The following IRAK1BP1 variants were observed in gnomAD, a reference collection of about 807,000 sequenced individuals.
IRAK1BP1 encodes the protein interleukin 1 receptor associated kinase 1 binding protein 1.
Under a neutral mutation model 28.0 loss-of-function variants are expected in IRAK1BP1, and 24 were observed. The ratio of observed to expected loss-of-function variants is 0.86; its 90% CI spans 0.62 to 1.20. The LOEUF (loss-of-function observed/expected upper bound fraction) is 1.20. IRAK1BP1 is among the 50% of genes most tolerant of loss of function. The probability of loss-of-function intolerance (pLI) is 0.00; values close to 1 mark genes in which losing one functional copy is unlikely to be tolerated. For missense variants in IRAK1BP1, 336 were observed against 316.7 expected (o/e 1.06, Z -0.46); for synonymous variants, 131 against 116.3 (o/e 1.13, Z -0.81).
At chr6:78,905,908 A>G (rs147280488), downstream of IRAK1BP1, among the ~76,000 whole-genome samples, 89 of 152,274 alleles carry the variant, frequency 5.8e-4, no homozygotes, top group East Asian at 0.017. Context: ...ACCTAGAAAT[A>G]TTATCCATAC....
chr6:78,949,981 G>T (rs1489744468), downstream of IRAK1BP1, among the ~76,000 whole-genome samples: 1 of 152,096 alleles, frequency 6.6e-6, no homozygotes, highest in Non-Finnish European at 1.5e-5. Flanking sequence ...GAGCCACCAT[G>T]CTTGGCCTGG....
chr6:78,897,547 A>G (rs1771934790), intron 2 of IRAK1BP1, among the ~76,000 whole-genome samples: 1 of 152,262 alleles, frequency 6.6e-6, no homozygotes, highest in Non-Finnish European at 1.5e-5. Context: ...TAGCCAAGTA[A>G]TAAGGTTTAA....
chr6:78,886,921 A>T (rs1771450757), intron 2 of IRAK1BP1, among the ~76,000 whole-genome samples: 1 of 152,204 alleles, frequency 6.6e-6, no homozygotes, highest in Non-Finnish European at 1.5e-5. Context: ...TTGTATAGGG[A>T]TTCCAGGTAG....
At position 78,898,786 on chromosome 6, in the gene IRAK1BP1, A is replaced by T. The variant is rs557542681; in HGVS notation, c.*452A>T. On this transcript the variant is annotated 3_prime_UTR_variant, in exon 4 of 4. Coordinates refer to ENST00000369940, the MANE Select transcript of IRAK1BP1 (RefSeq NM_001010844.4). The stretch of plus-strand genomic sequence containing the variant: ...AAATTGTAAGACAAAATTTTTATGG[A>T]AAAGAATTCCTATATCCCATCAAAC... 3 of 152,256 alleles carry T rather than the reference A, an allele frequency of 2.0e-5. No individual in the cohort carries two copies. The East Asian group carries it at 5.8e-4, about 29-fold the overall frequency. The allele number at this position is 152,256 out of a possible 1,614,324, so 9.4% of individuals were successfully genotyped here.
Position 78,923,246 on chromosome 6 carries a change from A to G in IRAK1BP1, c.*67+20136A>G, listed in dbSNP as rs576734463. On this transcript the variant is annotated intron_variant and NMD_transcript_variant, in intron 4 of 4. Transcript: ENST00000606868. Reference sequence around the variant, plus strand: ...GGAGGAAGATCTACCAAGCACATGGAAAAAAAAAAGGGCAGGGGTTTCAAT... The same window carrying G: ...GGAGGAAGATCTACCAAGCACATGGGAAAAAAAAAGGGCAGGGGTTTCAAT... Among the ~76,000 whole-genome samples, 118 of 124,158 alleles carry G rather than the reference A, an allele frequency of 9.5e-4. 2 individuals carry two copies. The highest frequency in any genetic ancestry group is 7.1e-3 in the Middle Eastern group (2 of 280). The allele number at this position is 124,158 out of a possible 152,430, so 81.5% of individuals were successfully genotyped here. A position where few individuals can be genotyped will look rare whatever the true frequency, so the allele number is the denominator to read the frequency against.
intron 1 of IRAK1BP1, 107 bp from the exon 2 acceptor site, chr6:78,885,271 A>C (rs1032613889): frequency 8.0e-6 from 5 of 621,542 alleles, no homozygotes; most frequent in African/African-American, 1.9e-5. Context: ...TTCTTTTTGC[A>C]TATTTTATGT....
At chr6:78,947,812 C>A, downstream of IRAK1BP1, 1 of 1,454,214 alleles carries the variant, frequency 6.9e-7, no homozygotes. Flanking sequence ...ATGATTATTA[C>A]TACACAAAGC....
chr6:78,885,335 T>G, intron 1 of IRAK1BP1, 43 bp from the exon 2 acceptor site: 1 of 1,087,038 alleles, frequency 9.2e-7, no homozygotes, highest in South Asian at 1.3e-5. Context: ...AGTAATTGCA[T>G]CAAATATTTA....
chr6:78,926,718 G>A (rs1377393452), intron 4 of IRAK1BP1, among the ~76,000 whole-genome samples: 1 of 151,926 alleles, frequency 6.6e-6, no homozygotes, highest in East Asian at 1.9e-4. Flanking sequence ...CTCAGCCTCT[G>A]ACAACCATCC....
chr6:78,934,433 ACTT>A (rs1279984527), intron 4 of IRAK1BP1, among the ~76,000 whole-genome samples: 1 of 152,238 alleles, frequency 6.6e-6, no homozygotes, highest in Non-Finnish European at 1.5e-5. Flanking sequence ...GTGTGCCTGT[ACTT>A]CTTTTTATTA....
At chr6:78,978,787 C>T in the IRAK1BP1 span, 3 of 1,157,882 alleles carry the variant, frequency 2.6e-6, no homozygotes, top group Non-Finnish European at 3.7e-6. Context: ...TTTAAAATAA[C>T]TATAAAGATA....
chr6:78,971,059 AACCAAAGTGTTCTAAATAACATT>A, the IRAK1BP1 span, among the ~76,000 whole-genome samples: 28 of 152,320 alleles, frequency 1.8e-4, no homozygotes, highest in African/African-American at 5.5e-4. Context: ...ACTAAATCAT[AACCAAAGTGTTCTAAATAACATT>A]ACTTTGAATA....
intron 1 of IRAK1BP1, among the ~76,000 whole-genome samples, chr6:78,869,840 G>A (rs182459717): frequency 1.1e-3 from 163 of 151,738 alleles, no homozygotes; most frequent in African/African-American, 3.7e-3. Context: ...CGGGCGTGGT[G>A]GCTCACGCCT....
the IRAK1BP1 span, among the ~76,000 whole-genome samples, chr6:78,970,382 G>GA: frequency 2.4e-3 from 364 of 149,624 alleles, 1 homozygote; most frequent in East Asian, 6.3e-3. Flanking sequence ...CGTAAAAAAG[G>GA]AAAAAAAAAT....
intron 4 of IRAK1BP1, chr6:78,940,452 T>C (rs1365147897): frequency 6.3e-6 from 1 of 159,572 alleles, no homozygotes; most frequent in Non-Finnish European, 1.3e-5. Context: ...ATAACCTATC[T>C]AAGGGCAATA....
the IRAK1BP1 span, among the ~76,000 whole-genome samples, chr6:78,971,871 G>A: frequency 6.6e-6 from 1 of 152,184 alleles, no homozygotes; most frequent in South Asian, 2.1e-4. Context: ...CTGGCTCGGA[G>A]GGTCCTACCC....
At chr6:78,940,930 T>C in intron 4 of IRAK1BP1, 1 of 1,614,064 alleles carries the variant, frequency 6.2e-7, no homozygotes, top group Non-Finnish European at 8.5e-7. Context: ...CTATCTTTTT[T>C]CGGTTACTTC....
chr6:78,883,802 C>G (rs1042866616), intron 1 of IRAK1BP1, among the ~76,000 whole-genome samples: 4 of 152,110 alleles, frequency 2.6e-5, no homozygotes, highest in African/African-American at 9.7e-5. Flanking sequence ...GATGAAATCT[C>G]TGTGTCCTGC....
chr6:78,867,680 C>A lies in IRAK1BP1; in HGVS notation c.104C>A (p.Pro35Gln). The change falls in exon 1 of 4, where the codon CCG (proline) becomes CAG (glutamine). Residue 35 changes from proline (P) to glutamine (Q), a missense_variant. Transcript: ENST00000369940. Reference protein sequence around the residue: ...NNLASGRETLPGLRHPLSSTQ... With the variant: ...NNLASGRETLQGLRHPLSSTQ... ...CTGGCCTCAGGGAGAGAGACGCTAC[C>A]GGGCTTACGCCACCCCCTCTCCTCA... The A allele has an allele frequency of 6.2e-7, 1 of 1,614,242 alleles. No homozygotes were observed. Among genetic ancestry groups the A allele is most frequent in the Non-Finnish European group, 8.5e-7 (1 of 1,180,050 alleles).
Sources: gnomAD v4.1 joint callset for allele counts (sites outside exome capture counted in the v4.1 genomes callset) on GRCh38, gnomAD v4.1.1 for gene constraint, MANE v1.5 for transcripts, NCBI Gene and HGNC (gene_info 2026-07-23, HGNC 2026-07-21) for gene names.